Variants in GPC5 observed in about 807,000 individuals in gnomAD.
GPC5 encodes glypican-5.
In GPC5, 47 loss-of-function variants were observed where a neutral mutation model predicts 53.9. The observed-to-expected ratio is 0.87, with a 90% CI of 0.69 to 1.11. The LOEUF (loss-of-function observed/expected upper bound fraction) is 1.11. Among genes scored for constraint, GPC5 ranks in the 50% most tolerant of loss-of-function variants. The pLI, the probability that GPC5 is intolerant of heterozygous loss-of-function variation, is 0.00. For missense variants in GPC5, 748 were observed against 713.1 expected (o/e 1.05, Z -0.56); for synonymous variants, 286 against 263.3 (o/e 1.09, Z -0.84).
At chr13:91,878,026 G>T (rs377744419) in intron 5 of GPC5, among the ~76,000 whole-genome samples, 4 of 151,978 alleles carry the variant, frequency 2.6e-5, no homozygotes, top group East Asian at 3.9e-4. Flanking sequence ...AGTGCCTTTT[G>T]CCTCCCCCTG....
At chr13:91,579,930 G>C (rs953670238) in intron 2 of GPC5, among the ~76,000 whole-genome samples, 1 of 151,836 alleles carries the variant, frequency 6.6e-6, no homozygotes, top group Non-Finnish European at 1.5e-5. Context: ...CTATTAGTAA[G>C]AGCCTCAGAA....
At chr13:92,009,056 TTA>T (rs1177708393) in intron 6 of GPC5, among the ~76,000 whole-genome samples, 2 of 152,170 alleles carry the variant, frequency 1.3e-5, no homozygotes, top group Non-Finnish European at 2.9e-5. Context: ...CCTAATTATT[TTA>T]TGTTTTCCTT....
At chr13:92,757,817 T>A (rs1027491393) in intron 7 of GPC5, among the ~76,000 whole-genome samples, 11 of 152,118 alleles carry the variant, frequency 7.2e-5, no homozygotes, top group African/African-American at 2.2e-4. Flanking sequence ...GCAATCATTA[T>A]AAAGTCAGGA....
rs931762530 is a variant in GPC5 at position 92,704,896 on chromosome 13, T to A, written c.1562-161386T>A. Among the ~76,000 whole-genome samples, 28 of 151,026 alleles carry A rather than the reference T, an allele frequency of 1.9e-4. No individual in the cohort carries two copies. In the South Asian group the frequency reaches 3.3e-3, roughly 18 times the overall value. Reference sequence around the variant, plus strand: ...TATATACTCAATGTGTGTATATATATGAGTATATATATATACACTTATATG... The same window carrying A: ...TATATACTCAATGTGTGTATATATAAGAGTATATATATATACACTTATATG... On this transcript the variant is annotated intron_variant, in intron 7 of 7. Coordinates refer to ENST00000377067, the MANE Select transcript of GPC5 (RefSeq NM_004466.6).
chr13:92,112,433 C>T (rs1030205980), intron 6 of GPC5, among the ~76,000 whole-genome samples: 1 of 152,062 alleles, frequency 6.6e-6, no homozygotes, highest in African/African-American at 2.4e-5. Context: ...CTCTTGATAA[C>T]TAATGGAAAA....
chr13:92,048,950 G>A (rs968216441), intron 6 of GPC5, among the ~76,000 whole-genome samples: 1 of 152,042 alleles, frequency 6.6e-6, no homozygotes, highest in Admixed American at 6.6e-5. Context: ...GTTGAAACAT[G>A]GCTTATTTGG....
chr13:91,788,464 AAAAT>A (rs1171948453), intron 5 of GPC5, among the ~76,000 whole-genome samples: 11 of 152,230 alleles, frequency 7.2e-5, no homozygotes, highest in African/African-American at 2.7e-4. Flanking sequence ...CATTAGGAAA[AAAAT>A]AAGAAACAGA....
At chr13:92,532,052 A>C in intron 7 of GPC5, among the ~76,000 whole-genome samples, 1 of 152,178 alleles carries the variant, frequency 6.6e-6, no homozygotes, top group East Asian at 1.9e-4. Context: ...AATTAAAGGC[A>C]GGTGGCTCAT....
At chr13:91,796,544 G>C (rs1412244447) in intron 5 of GPC5, among the ~76,000 whole-genome samples, 1 of 152,198 alleles carries the variant, frequency 6.6e-6, no homozygotes, top group Non-Finnish European at 1.5e-5. Context: ...TCAGGCAATA[G>C]ATGATTTGAC....
chr13:92,550,857 G>A (rs970909160), intron 7 of GPC5, among the ~76,000 whole-genome samples: 1 of 151,744 alleles, frequency 6.6e-6, no homozygotes, highest in Admixed American at 6.6e-5. Flanking sequence ...ACAAACATAT[G>A]CCCATCTGTT....
At chr13:92,096,069 A>G (rs907331707) in intron 6 of GPC5, among the ~76,000 whole-genome samples, 8 of 152,220 alleles carry the variant, frequency 5.3e-5, no homozygotes, top group African/African-American at 1.4e-4. Flanking sequence ...TCACTGTACC[A>G]TCTCAGAAAC....
At chr13:92,223,947 A>G (rs1450110301) in intron 7 of GPC5, among the ~76,000 whole-genome samples, 1 of 152,178 alleles carries the variant, frequency 6.6e-6, no homozygotes, top group East Asian at 1.9e-4. Flanking sequence ...TAAATGAGCA[A>G]AACAGAAATG....
intron 7 of GPC5, among the ~76,000 whole-genome samples, chr13:92,294,398 G>C (rs1019515585): frequency 6.6e-6 from 1 of 151,894 alleles, no homozygotes; most frequent in African/African-American, 2.4e-5. Context: ...GTCTGTTCAG[G>C]GTATCTAATT....
chr13:92,536,926 T>G (rs1881744861), intron 7 of GPC5, among the ~76,000 whole-genome samples: 1 of 152,122 alleles, frequency 6.6e-6, no homozygotes, highest in Admixed American at 6.6e-5. Flanking sequence ...CTTTGTAAGT[T>G]TTGATCTCTT....
chr13:92,780,153 A>G (rs1171443182), intron 7 of GPC5, among the ~76,000 whole-genome samples: 2 of 152,012 alleles, frequency 1.3e-5, no homozygotes, highest in Non-Finnish European at 2.9e-5. Flanking sequence ...CACTGTTACT[A>G]AATATTATAT....
chr13:92,327,590 T>A (rs1566540630), intron 7 of GPC5, among the ~76,000 whole-genome samples: 1 of 152,090 alleles, frequency 6.6e-6, no homozygotes, highest in Non-Finnish European at 1.5e-5. Context: ...GTAGCTAACA[T>A]AATAATAGAA....
intron 7 of GPC5, among the ~76,000 whole-genome samples, chr13:92,384,155 G>A (rs1362838502): frequency 1.4e-5 from 2 of 146,256 alleles, no homozygotes; most frequent in South Asian, 2.1e-4. Context: ...GGTTATTTTC[G>A]TTGCTATCTG....
intron 7 of GPC5, among the ~76,000 whole-genome samples, chr13:92,656,495 C>T (rs1367308536): frequency 6.6e-6 from 1 of 152,034 alleles, no homozygotes; most frequent in East Asian, 1.9e-4. Flanking sequence ...AGGGCAGGGC[C>T]CAGGTACACA....
intron 3 of GPC5, among the ~76,000 whole-genome samples, chr13:91,696,952 C>A (rs370723860): frequency 1.7e-4 from 26 of 152,106 alleles, no homozygotes; most frequent in African/African-American, 5.8e-4. Context: ...TCTGAGTTTA[C>A]GCATTTGCTT....
Sources: gnomAD v4.1 joint callset for allele counts (sites outside exome capture counted in the v4.1 genomes callset) on GRCh38, gnomAD v4.1.1 for gene constraint, MANE v1.5 for transcripts, NCBI Gene and HGNC (gene_info 2026-07-23, HGNC 2026-07-21) for gene names.